RIN2: variants seen among roughly 807,000 people sequenced by gnomAD.
RIN2 encodes RAB5 interacting protein 2.
Under a neutral mutation model 78.0 loss-of-function variants are expected in RIN2, and 36 were observed. The observed-to-expected ratio is 0.46, with a 90% CI of 0.35 to 0.61. The LOEUF (loss-of-function observed/expected upper bound fraction) is 0.61. Ranked by LOEUF, RIN2 falls within the 20% of genes least tolerant of loss-of-function variation. The pLI is 0.00. For synonymous variants in RIN2, 466 were observed against 466.8 expected (o/e 1.00, Z 0.02); for missense variants, 1,087 against 1,159.7 (o/e 0.94, Z 0.91).
At chr20:19,911,442 T>TTTGGAGA (rs2039462394) in intron 3 of RIN2, among the ~76,000 whole-genome samples, 1 of 152,224 alleles carries the variant, frequency 6.6e-6, no homozygotes, top group Non-Finnish European at 1.5e-5. Context: ...TGAAAATACA[T>TTTGGAGA]TGGAGACACA....
intron 9 of RIN2, among the ~76,000 whole-genome samples, chr20:19,980,883 G>A (rs552171796): frequency 5.3e-5 from 8 of 152,214 alleles, no homozygotes; most frequent in Admixed American, 2.0e-4. Context: ...CTCTCTTCTC[G>A]CAGACACAGT....
chr20:19,838,146 T>C (rs2123057894), intron 2 of RIN2, among the ~76,000 whole-genome samples: 1 of 152,348 alleles, frequency 6.6e-6, no homozygotes, highest in Middle Eastern at 3.4e-3. Context: ...GAAGTAACTT[T>C]TGCTAGTTAC....
chr20:19,974,777 C>G lies in RIN2; in HGVS notation c.752C>G (p.Ser251Cys), dbSNP rs771779353. 4 of 1,613,900 alleles carry G rather than the reference C, an allele frequency of 2.5e-6. No individual in the cohort carries two copies. The South Asian group carries it at 4.4e-5, about 18-fold the overall frequency. Residue 251 changes from serine to cysteine, a missense_variant, in exon 9 of 13, where the codon TCT becomes TGT. Ser to Cys is a moderately radical substitution (Grantham distance 112). This residue lies in a region of RIN2 where 706 missense variants were observed against 667.5 expected (regional missense o/e 1.06). Transcript: ENST00000255006. ...RQLCLINGVH[S>C]IKTRTPSELE... ...CTCTGCCTTATAAATGGAGTGCATT[C>G]TATCAAAACCAGGACGCCTTCAGAG...
intron 3 of RIN2, among the ~76,000 whole-genome samples, chr20:19,910,508 T>C (rs1005986442): frequency 3.3e-5 from 5 of 151,182 alleles, no homozygotes; most frequent in African/African-American, 7.3e-5. Context: ...TTTCTTCTTC[T>C]TTTTTTTAAT....
intron 4 of RIN2, among the ~76,000 whole-genome samples, chr20:19,955,255 G>T (rs1029989127): frequency 2.0e-5 from 3 of 152,108 alleles, no homozygotes; most frequent in Non-Finnish European, 4.4e-5. Context: ...TGCTTTCCAA[G>T]TATATCCATG....
At chr20:19,932,781 G>T (rs936252858) in intron 3 of RIN2, among the ~76,000 whole-genome samples, 10 of 152,182 alleles carry the variant, frequency 6.6e-5, no homozygotes, top group African/African-American at 2.2e-4. Flanking sequence ...TCCATCCAGA[G>T]TGTCAGAAGC....
chr20:19,782,302 C>T (rs1257081611), intron 1 of RIN2, among the ~76,000 whole-genome samples: 7 of 152,184 alleles, frequency 4.6e-5, no homozygotes, highest in East Asian at 1.9e-4. Context: ...TGGTGGCTCA[C>T]GCCTGTAATC....
chr20:19,959,162 G>A (rs1375282014), intron 5 of RIN2, among the ~76,000 whole-genome samples: 1 of 152,200 alleles, frequency 6.6e-6, no homozygotes, highest in East Asian at 1.9e-4. Flanking sequence ...GAGCGTGGCT[G>A]TATTTCACTA....
At chr20:19,930,234 T>C (rs2040389701) in intron 3 of RIN2, among the ~76,000 whole-genome samples, 2 of 152,198 alleles carry the variant, frequency 1.3e-5, no homozygotes, top group Middle Eastern at 6.8e-3. Flanking sequence ...GCACTAGAGA[T>C]AGGTGGCATG....
chr20:19,867,652 C>T (rs1400155114), intron 2 of RIN2, among the ~76,000 whole-genome samples: 1 of 152,190 alleles, frequency 6.6e-6, no homozygotes, highest in African/African-American at 2.4e-5. Context: ...GGCAGGAATG[C>T]CCCAGAGTGA....
intron 2 of RIN2, among the ~76,000 whole-genome samples, chr20:19,805,219 A>G (rs1425304406): frequency 6.6e-6 from 1 of 152,132 alleles, no homozygotes; most frequent in Non-Finnish European, 1.5e-5. Context: ...CTGAAGCACA[A>G]TGAGGGAGTA....
chr20:19,858,502 T>A (rs2037234296), intron 2 of RIN2, among the ~76,000 whole-genome samples: 1 of 152,200 alleles, frequency 6.6e-6, no homozygotes, highest in South Asian at 2.1e-4. Flanking sequence ...TTGTCAAATT[T>A]TATGAAATCA....
chr20:19,917,111 A>T (rs384117), intron 3 of RIN2, among the ~76,000 whole-genome samples: 33,412 of 82,500 alleles, frequency 0.4, 4,304 homozygotes, highest in East Asian at 0.67. Context: ...TAAAAAATTT[A>T]AAAAAAAAAA....
chr20:19,829,419 A>T (rs2036188047), intron 2 of RIN2, among the ~76,000 whole-genome samples: 1 of 152,176 alleles, frequency 6.6e-6, no homozygotes, highest in South Asian at 2.1e-4. Flanking sequence ...GCTTTCTCCC[A>T]GGGGTGAGTT....
intron 2 of RIN2, among the ~76,000 whole-genome samples, chr20:19,844,820 G>T (rs910385510): frequency 2.4e-4 from 37 of 151,786 alleles, no homozygotes; most frequent in Non-Finnish European, 5.1e-4. Flanking sequence ...GTGCCATGAT[G>T]GTTTGCTGCA....
intron 1 of RIN2, among the ~76,000 whole-genome samples, chr20:19,758,819 A>T (rs2033498373): frequency 6.6e-6 from 1 of 152,062 alleles, no homozygotes; most frequent in Non-Finnish European, 1.5e-5. Flanking sequence ...CACAGCTTTG[A>T]TCCCCAGCGC....
intron 1 of RIN2, among the ~76,000 whole-genome samples, chr20:19,759,459 C>A (rs749577949): frequency 2.0e-4 from 31 of 152,210 alleles, no homozygotes; most frequent in Non-Finnish European, 4.1e-4. Flanking sequence ...AGCACTCCAT[C>A]ATTAAGATAA....
chr20:19,816,394 T>G (rs13036479), intron 2 of RIN2, among the ~76,000 whole-genome samples: 22,393 of 149,830 alleles, frequency 0.15, 1,853 homozygotes, highest in South Asian at 0.23. Flanking sequence ...TCTGTGATAA[T>G]GAGAACTCGA....
chr20:19,772,113 T>C (rs965550190), intron 1 of RIN2, among the ~76,000 whole-genome samples: 1 of 152,204 alleles, frequency 6.6e-6, no homozygotes, highest in Non-Finnish European at 1.5e-5. Flanking sequence ...CTGCAGCAAT[T>C]GTCCCGCTCT....
Sources: gnomAD v4.1 joint callset for allele counts (sites outside exome capture counted in the v4.1 genomes callset) on GRCh38, gnomAD v4.1.1 for gene constraint, gnomAD v4.1.1 regional missense constraint, MANE v1.5 for transcripts, NCBI Gene and HGNC (gene_info 2026-07-23, HGNC 2026-07-21) for gene names.